Variants in LINGO2 observed in about 807,000 individuals in gnomAD.
LINGO2 encodes leucine rich repeat and Ig domain containing 2.
In LINGO2, 14 loss-of-function variants were observed where a neutral mutation model predicts 30.6. The ratio of observed to expected loss-of-function variants is 0.46; its 90% CI spans 0.30 to 0.72. The LOEUF (loss-of-function observed/expected upper bound fraction) is 0.72. Ranked by LOEUF, LINGO2 falls within the 30% of genes least tolerant of loss-of-function variation. LINGO2 has a pLI of 0.07. For synonymous variants in LINGO2, 317 were observed against 288.5 expected (o/e 1.10, Z -1.00); for missense variants, 729 against 751.7 (o/e 0.97, Z 0.35).
intron 2 of LINGO2, among the ~76,000 whole-genome samples, chr9:28,374,951 T>A (rs185412969): frequency 3.9e-5 from 6 of 152,156 alleles, no homozygotes; most frequent in Non-Finnish European, 2.9e-5. Flanking sequence ...AGTATATAAA[T>A]TAGTGAGTTT....
the LINGO2 span, among the ~76,000 whole-genome samples, chr9:29,013,186 A>G: frequency 1.8e-4 from 28 of 152,252 alleles, no homozygotes; most frequent in East Asian, 4.3e-3. Context: ...TATAACTTCA[A>G]TTGTTCCCCA....
the LINGO2 span, among the ~76,000 whole-genome samples, chr9:28,690,635 A>G: frequency 6.6e-6 from 1 of 152,148 alleles, no homozygotes; most frequent in Non-Finnish European, 1.5e-5. Flanking sequence ...TCAAAACAAT[A>G]AAACACATGA....
In LINGO2 at chr9:28,134,886, T is replaced by G. The variant is rs377464963; in HGVS notation, c.-86-122481A>C. Among the ~76,000 whole-genome samples the G allele has an allele frequency of 4.2e-4, 64 of 152,290 alleles. No homozygotes were observed. The South Asian group carries it at 0.013, about 30-fold the overall frequency. ...TGGCAGCAGAAACTACTGGATATCT[T>G]AAAGATAGCTGATTACACAGATAAG... On this transcript the variant is annotated intron_variant, in intron 4 of 5. Transcript: ENST00000379992.
intron 4 of LINGO2, among the ~76,000 whole-genome samples, chr9:28,257,233 C>A (rs568473624): frequency 6.6e-6 from 1 of 151,906 alleles, no homozygotes; most frequent in Admixed American, 6.6e-5. Context: ...CATAAAGCGT[C>A]TCTTAGACTT....
chr9:28,806,817 G>T, the LINGO2 span, among the ~76,000 whole-genome samples: 1 of 151,852 alleles, frequency 6.6e-6, no homozygotes, highest in African/African-American at 2.4e-5. Flanking sequence ...AGCATACTTG[G>T]CTAGCCTCCT....
At chr9:27,993,321 T>A (rs1377372311) in intron 5 of LINGO2, among the ~76,000 whole-genome samples, 1 of 152,150 alleles carries the variant, frequency 6.6e-6, no homozygotes, top group African/African-American at 2.4e-5. Context: ...GTATTATTGT[T>A]GGTTTCTCAT....
intron 1 of LINGO2, among the ~76,000 whole-genome samples, chr9:28,490,055 G>C (rs1421364819): frequency 6.6e-6 from 1 of 152,050 alleles, no homozygotes; most frequent in Admixed American, 6.6e-5. Context: ...GAAAGTGCTA[G>C]ACTCAGTCTT....
intron 4 of LINGO2, among the ~76,000 whole-genome samples, chr9:28,089,746 A>T (rs948627306): frequency 6.6e-6 from 1 of 152,186 alleles, no homozygotes; most frequent in African/African-American, 2.4e-5. Flanking sequence ...GAGACACAAA[A>T]AGCCCTTCAA....
chr9:28,041,037 T>G (rs1442860663), intron 4 of LINGO2, among the ~76,000 whole-genome samples: 1 of 152,182 alleles, frequency 6.6e-6, no homozygotes, highest in Non-Finnish European at 1.5e-5. Context: ...GTCCTCTAGG[T>G]AGAATACCAC....
At chr9:29,112,126 G>GA in the LINGO2 span, among the ~76,000 whole-genome samples, 9 of 150,996 alleles carry the variant, frequency 6.0e-5, no homozygotes, top group East Asian at 2.0e-4. Context: ...AAATATTATA[G>GA]AAAATCAAAT....
intron 4 of LINGO2, among the ~76,000 whole-genome samples, chr9:28,193,887 G>A (rs938023576): frequency 6.6e-6 from 1 of 152,158 alleles, no homozygotes; most frequent in Non-Finnish European, 1.5e-5. Context: ...AGGCTAGTTT[G>A]GTCTCCTTTA....
chr9:28,796,433 T>G, the LINGO2 span, among the ~76,000 whole-genome samples: 70 of 152,230 alleles, frequency 4.6e-4, no homozygotes, highest in African/African-American at 1.7e-3. Context: ...AATTTGATAT[T>G]TATATTAAAA....
chr9:28,929,144 T>C, the LINGO2 span, among the ~76,000 whole-genome samples: 2 of 152,214 alleles, frequency 1.3e-5, no homozygotes. Flanking sequence ...TCTACCTCTG[T>C]TTCTCTCTCA....
chr9:29,043,160 T>C, the LINGO2 span, among the ~76,000 whole-genome samples: 2 of 151,892 alleles, frequency 1.3e-5, no homozygotes, highest in Non-Finnish European at 2.9e-5. Context: ...GGAGGATCAA[T>C]GGAAATCCAT....
the LINGO2 span, among the ~76,000 whole-genome samples, chr9:28,925,542 T>C: frequency 2.6e-5 from 4 of 152,342 alleles, no homozygotes; most frequent in South Asian, 8.3e-4. Context: ...ATGACTTCCC[T>C]GGGGAAGGAT....
intron 4 of LINGO2, among the ~76,000 whole-genome samples, chr9:28,024,811 C>T (rs1351432802): frequency 3.3e-5 from 5 of 152,228 alleles, no homozygotes; most frequent in African/African-American, 7.2e-5. Context: ...CCAGCTTCCC[C>T]GACGTGGAGC....
the LINGO2 span, among the ~76,000 whole-genome samples, chr9:29,074,746 C>T: frequency 3.6e-5 from 5 of 137,636 alleles, no homozygotes; most frequent in East Asian, 2.2e-4. Flanking sequence ...AGGGCAGTGG[C>T]GCAATCTCAG....
At chr9:29,077,464 G>A in the LINGO2 span, among the ~76,000 whole-genome samples, 1 of 151,920 alleles carries the variant, frequency 6.6e-6, no homozygotes, top group Non-Finnish European at 1.5e-5. Context: ...CTATAAGACA[G>A]CAAAGAAGTT....
At chr9:27,969,284 G>C (rs1820244603) in intron 5 of LINGO2, among the ~76,000 whole-genome samples, 1 of 151,994 alleles carries the variant, frequency 6.6e-6, no homozygotes, top group African/African-American at 2.4e-5. Flanking sequence ...ATGTTTATAT[G>C]AAAGCTTCAT....
Sources: allele counts gnomAD v4.1 joint callset (sites outside exome capture counted in the v4.1 genomes callset), GRCh38; gene constraint gnomAD v4.1.1; transcripts MANE v1.5; gene names NCBI Gene and HGNC (gene_info 2026-07-23, HGNC 2026-07-21).